Variants in ENTREP2 observed in about 807,000 individuals in gnomAD.
ENTREP2 encodes endosomal transmembrane epsin interactor 2.
the ENTREP2 span, among the ~76,000 whole-genome samples, chr15:29,512,875 G>A: frequency 6.6e-6 from 1 of 151,990 alleles, no homozygotes; most frequent in East Asian, 1.9e-4. Flanking sequence ...CTGGTAAACT[G>A]TCAGATATTG....
chr15:29,254,304 T>C, the ENTREP2 span, among the ~76,000 whole-genome samples: 1 of 152,102 alleles, frequency 6.6e-6, no homozygotes, highest in African/African-American at 2.4e-5. Context: ...TATCAACTGA[T>C]AGTTGTATAA....
At chr15:29,596,965 C>A in the ENTREP2 span, among the ~76,000 whole-genome samples, 1 of 152,014 alleles carries the variant, frequency 6.6e-6, no homozygotes, top group Non-Finnish European at 1.5e-5. Flanking sequence ...CCACCGCACT[C>A]GGCTCCTAAT....
At chr15:29,427,270 C>A in the ENTREP2 span, among the ~76,000 whole-genome samples, 134 of 152,242 alleles carry the variant, frequency 8.8e-4, 1 homozygote, top group African/African-American at 3.1e-3. Flanking sequence ...TCCTCTCCTC[C>A]ACTGTTCATA....
chr15:29,123,257 C>T, the ENTREP2 span: 2 of 1,377,768 alleles, frequency 1.5e-6, no homozygotes, highest in South Asian at 3.1e-5. Flanking sequence ...GGCCTGAAGG[C>T]CTCTTTGTCA....
At chr15:29,580,819 C>G in the ENTREP2 span, among the ~76,000 whole-genome samples, 1 of 152,178 alleles carries the variant, frequency 6.6e-6, no homozygotes. Flanking sequence ...GAATTTCCCA[C>G]AGTGTACAGA....
chr15:29,475,990 T>C, the ENTREP2 span, among the ~76,000 whole-genome samples: 4 of 152,322 alleles, frequency 2.6e-5, no homozygotes, highest in East Asian at 5.8e-4. Context: ...GACAAGATGA[T>C]TGCATTTGGG....
the ENTREP2 span, among the ~76,000 whole-genome samples, chr15:29,157,318 G>A: frequency 6.6e-6 from 1 of 152,088 alleles, no homozygotes; most frequent in African/African-American, 2.4e-5. Context: ...GCGGGCCCCT[G>A]TGTGTCCTCA....
At chr15:29,573,671 CTCTT>C in the ENTREP2 span, among the ~76,000 whole-genome samples, 1 of 151,582 alleles carries the variant, frequency 6.6e-6, no homozygotes, top group East Asian at 1.9e-4. Context: ...CTCTCTCTCT[CTCTT>C]TCTCTCTGTG....
chr15:29,658,130 G>C, the ENTREP2 span, among the ~76,000 whole-genome samples: 3 of 152,078 alleles, frequency 2.0e-5, no homozygotes, highest in Non-Finnish European at 1.5e-5. Context: ...ACATGTCTTG[G>C]GGGGGACCAG....
the ENTREP2 span, among the ~76,000 whole-genome samples, chr15:29,172,972 C>T: frequency 3.9e-5 from 6 of 152,284 alleles, no homozygotes; most frequent in South Asian, 4.1e-4. Context: ...AAAATCTCCG[C>T]GCCTTCCCCC....
the ENTREP2 span, among the ~76,000 whole-genome samples, chr15:29,631,565 T>C: frequency 6.6e-6 from 1 of 152,238 alleles, no homozygotes; most frequent in Non-Finnish European, 1.5e-5. Context: ...TGTGAAACTT[T>C]CACACTGGTC....
the ENTREP2 span, among the ~76,000 whole-genome samples, chr15:29,306,122 G>A: frequency 6.6e-6 from 1 of 152,248 alleles, no homozygotes; most frequent in African/African-American, 2.4e-5. Context: ...ATACCCCAGT[G>A]GGTTGTTGGT....
chr15:29,463,559 C>T, the ENTREP2 span, among the ~76,000 whole-genome samples: 1 of 151,858 alleles, frequency 6.6e-6, no homozygotes, highest in Admixed American at 6.6e-5. Context: ...CGGAAGTAAC[C>T]AAAATACCAA....
chr15:29,624,763 A>G, the ENTREP2 span, among the ~76,000 whole-genome samples: 1 of 152,190 alleles, frequency 6.6e-6, no homozygotes, highest in South Asian at 2.1e-4. Flanking sequence ...CAGTGGTGAC[A>G]TCTTTTATAA....
chr15:29,235,939 G>T, the ENTREP2 span, among the ~76,000 whole-genome samples: 1 of 151,852 alleles, frequency 6.6e-6, no homozygotes, highest in Non-Finnish European at 1.5e-5. Context: ...CTCCAGCCTG[G>T]GCGACAGAGT....
the ENTREP2 span, among the ~76,000 whole-genome samples, chr15:29,300,098 T>A: frequency 6.7e-6 from 1 of 149,754 alleles, no homozygotes; most frequent in Non-Finnish European, 1.5e-5. Flanking sequence ...AATGAATGGA[T>A]GGGTGGGTGA....
the ENTREP2 span, among the ~76,000 whole-genome samples, chr15:29,494,884 G>T: frequency 0.034 from 5,210 of 152,226 alleles, 280 homozygotes; most frequent in African/African-American, 0.12. Flanking sequence ...GTGTTTGTGT[G>T]CATGTGTGTG....
chr15:29,486,717 A>C, the ENTREP2 span, among the ~76,000 whole-genome samples: 1 of 152,112 alleles, frequency 6.6e-6, no homozygotes, highest in Non-Finnish European at 1.5e-5. Context: ...AAAAAGAATG[A>C]AATCCTGTCA....
At chr15:29,225,172 G>A in the ENTREP2 span, among the ~76,000 whole-genome samples, 1 of 152,170 alleles carries the variant, frequency 6.6e-6, no homozygotes. Flanking sequence ...CTCCAGCCTT[G>A]GCCAGCCCAG....
Sources: gnomAD v4.1 joint callset for allele counts (sites outside exome capture counted in the v4.1 genomes callset) on GRCh38, gnomAD v4.1.1 for gene constraint, MANE v1.5 for transcripts, NCBI Gene and HGNC (gene_info 2026-07-23, HGNC 2026-07-21) for gene names.